Variants in ST8SIA5 observed in about 807,000 individuals in gnomAD.
ST8SIA5 encodes alpha-2,8-sialyltransferase 8E.
Under a neutral mutation model 40.2 loss-of-function variants are expected in ST8SIA5, and 24 were observed. The ratio of observed to expected loss-of-function variants is 0.60; its 90% confidence interval spans 0.43 to 0.84. The LOEUF (loss-of-function observed/expected upper bound fraction) is 0.84, where lower values mean the gene tolerates loss of function less well. ST8SIA5 is among the 40% of genes least tolerant of loss of function. The pLI is 0.00. For synonymous variants in ST8SIA5, 198 were observed against 201.8 expected (o/e 0.98, Z 0.16); for missense variants, 465 against 498.5 (o/e 0.93, Z 0.64).
intron 2 of ST8SIA5, among the ~76,000 whole-genome samples, chr18:46,697,619 T>C (rs1289724250): frequency 6.6e-6 from 1 of 152,124 alleles, no homozygotes; most frequent in Non-Finnish European, 1.5e-5. Context: ...GGCGGCAGGA[T>C]TGCTTGAGGC....
rs575331522 is a variant in ST8SIA5 at position 46,730,391 on chromosome 18, T to C, written c.132-25727A>G. 21 of 311,676 alleles carry C rather than the reference T, an allele frequency of 6.7e-5. No individual in the cohort carries two copies. In the South Asian group the frequency reaches 2.7e-3, roughly 39 times the overall value. 19.3% of individuals were successfully genotyped at this position (311,676 alleles called of 1,614,324 possible). A position where few individuals can be genotyped will look rare whatever the true frequency, so the allele number is the denominator to read the frequency against. On this transcript the variant is annotated intron_variant, in intron 1 of 6. Coordinates refer to ENST00000315087, the MANE Select transcript of ST8SIA5 (RefSeq NM_013305.6). ...AAAAGCAGACATATAAATGCTAACA[T>C]GCATATAAAGGCTTTTATATCTAAT... is the stretch of plus-strand genomic sequence containing the variant.
At chr18:46,688,657 C>G in intron 4 of ST8SIA5, 118 bp downstream of exon 4, 1 of 1,330,798 alleles carries the variant, frequency 7.5e-7, no homozygotes, top group South Asian at 1.5e-5. Context: ...AGGACCAAGA[C>G]AACTGAGTCC....
chr18:46,749,753 G>A (rs970983993), intron 1 of ST8SIA5, among the ~76,000 whole-genome samples: 12 of 152,040 alleles, frequency 7.9e-5, no homozygotes, highest in African/African-American at 1.2e-4. Flanking sequence ...GAATTGTTAC[G>A]GACTAAATAA....
At chr18:46,709,429 C>A (rs748906871) in intron 1 of ST8SIA5, among the ~76,000 whole-genome samples, 10 of 152,148 alleles carry the variant, frequency 6.6e-5, no homozygotes, top group Non-Finnish European at 1.3e-4. Flanking sequence ...TATAAACGAC[C>A]CAGTCTAAGC....
intron 2 of ST8SIA5, among the ~76,000 whole-genome samples, chr18:46,700,286 T>C (rs978954567): frequency 6.6e-6 from 1 of 152,216 alleles, no homozygotes; most frequent in Admixed American, 6.5e-5. Flanking sequence ...AGATGAACCA[T>C]ACACCTCCCT....
rs909787051 is a variant in ST8SIA5, at chr18:46,719,631, G to A, written c.132-14967C>T. ...AGAAACAGCTTCCCAGGGGCCCGTC[G>A]GTCCGCCTTGCTCACTTGACTCGCC... On this transcript the variant is annotated intron_variant, in intron 1 of 6. Transcript: ENST00000315087. Among the ~76,000 whole-genome samples, 9 of 128,112 alleles carry A rather than the reference G, an allele frequency of 7.0e-5. No homozygotes were observed. The East Asian group carries it at 7.1e-4, about 10-fold the overall frequency. 84.0% of individuals were successfully genotyped at this position (128,112 alleles called of 152,430 possible).
chr18:46,756,891 C>G lies in ST8SIA5; in HGVS notation c.-383G>C, dbSNP rs2040256334. On this transcript the variant is annotated 5_prime_UTR_variant, in exon 1 of 7. Coordinates refer to ENST00000315087, the MANE Select transcript of ST8SIA5 (RefSeq NM_013305.6). ...GTGGCGGCCAATGGGGAGCAAGACCCGGGCTCCGTCCCCTGTGCGCCCCAG... is the reference window on the plus strand; with the variant it reads ...GTGGCGGCCAATGGGGAGCAAGACCGGGGCTCCGTCCCCTGTGCGCCCCAG... 2 of 219,872 alleles carry G rather than the reference C, an allele frequency of 9.1e-6. No homozygotes were observed. Among genetic ancestry groups the G allele is most frequent in the Non-Finnish European group, 1.8e-5 (2 of 112,288 alleles). 13.6% of individuals were successfully genotyped at this position (219,872 alleles called of 1,614,324 possible). A position where few individuals can be genotyped will look rare whatever the true frequency, so the allele number is the denominator to read the frequency against.
At chr18:46,742,042 C>T (rs2040091033) in intron 1 of ST8SIA5, among the ~76,000 whole-genome samples, 1 of 151,702 alleles carries the variant, frequency 6.6e-6, no homozygotes, top group Non-Finnish European at 1.5e-5. Context: ...GTGGAGGTTG[C>T]AGTGAGCCGA....
chr18:46,721,256 C>A, intron 1 of ST8SIA5: 1 of 1,033,064 alleles, frequency 9.7e-7, no homozygotes, highest in Non-Finnish European at 1.4e-6. Context: ...GCCACCAGAA[C>A]AAGACCTGCT....
intron 1 of ST8SIA5, among the ~76,000 whole-genome samples, chr18:46,732,779 G>A (rs2039997380): frequency 6.6e-6 from 1 of 152,008 alleles, no homozygotes; most frequent in African/African-American, 2.4e-5. Context: ...TTCAACCCAG[G>A]GCCAACTGGG....
chr18:46,725,972 A>AAAAAAATATATATAT (rs59660372), intron 1 of ST8SIA5, among the ~76,000 whole-genome samples: 13 of 29,086 alleles, frequency 4.5e-4, no homozygotes, highest in South Asian at 1.4e-3. Flanking sequence ...AAAAAAAAAA[A>AAAAAAATATATATAT]ATATATATAT....
chr18:46,710,363 T>TTTTCTTTCTTTC (rs71162817), intron 1 of ST8SIA5, among the ~76,000 whole-genome samples: 1,352 of 114,470 alleles, frequency 0.012, 30 homozygotes, highest in African/African-American at 0.027. Context: ...TCCTTCTTTC[T>TTTTCTTTCTTTC]TTTCTTTCTT....
intron 1 of ST8SIA5, among the ~76,000 whole-genome samples, chr18:46,742,702 A>G (rs2040099108): frequency 6.6e-6 from 1 of 152,224 alleles, no homozygotes; most frequent in South Asian, 2.1e-4. Flanking sequence ...AGCTCTGAAG[A>G]GAGCAGTGGT....
intron 1 of ST8SIA5, among the ~76,000 whole-genome samples, chr18:46,738,769 G>A (rs1268392823): frequency 6.6e-6 from 1 of 152,096 alleles, no homozygotes; most frequent in Non-Finnish European, 1.5e-5. Flanking sequence ...TCGAACAGAA[G>A]GCTTTGTCCC....
chr18:46,740,232 G>A (rs2040074988), intron 1 of ST8SIA5, among the ~76,000 whole-genome samples: 2 of 152,196 alleles, frequency 1.3e-5, no homozygotes, highest in Non-Finnish European at 2.9e-5. Flanking sequence ...GCCAATCTCG[G>A]TGATTCATGC....
chr18:46,721,439 G>T, intron 1 of ST8SIA5: 2 of 1,536,130 alleles, frequency 1.3e-6, no homozygotes, highest in Non-Finnish European at 1.7e-6. Flanking sequence ...TGGTCAGCTG[G>T]TCACCACTCT....
At chr18:46,706,900 C>T (rs1288877994) in intron 1 of ST8SIA5, among the ~76,000 whole-genome samples, 1 of 152,152 alleles carries the variant, frequency 6.6e-6, no homozygotes, top group Middle Eastern at 3.2e-3. Flanking sequence ...ACGGTGGCCC[C>T]ATTTCACTGC....
intron 2 of ST8SIA5, among the ~76,000 whole-genome samples, chr18:46,694,285 A>C (rs1336776923): frequency 6.6e-6 from 1 of 152,180 alleles, no homozygotes; most frequent in Non-Finnish European, 1.5e-5. Flanking sequence ...GGGAAAGCTG[A>C]GCTAAATAAA....
chr18:46,698,794 C>A (rs757727441), intron 2 of ST8SIA5, among the ~76,000 whole-genome samples: 2 of 152,174 alleles, frequency 1.3e-5, no homozygotes, highest in Non-Finnish European at 2.9e-5. Flanking sequence ...AGCAAGAGGG[C>A]AGCCAGACTG....
Sources: allele counts gnomAD v4.1 joint callset (sites outside exome capture counted in the v4.1 genomes callset), GRCh38; gene constraint gnomAD v4.1.1; transcripts MANE v1.5; gene names NCBI Gene and HGNC (gene_info 2026-07-23, HGNC 2026-07-21).